Variants in CSMD2 observed in about 807,000 individuals in gnomAD.
CSMD2 encodes CUB and sushi domain-containing protein 2.
Under a neutral mutation model 398.5 loss-of-function variants are expected in CSMD2, and 130 were observed. The observed-to-expected ratio is 0.33, with a 90% confidence interval of 0.28 to 0.38. The LOEUF (loss-of-function observed/expected upper bound fraction) is 0.38. Ranked by LOEUF, CSMD2 falls within the 10% of genes least tolerant of loss-of-function variation. The pLI, the probability that CSMD2 is intolerant of heterozygous loss-of-function variation, is 1.00. For missense variants in CSMD2, 3,829 were observed against 4,764.9 expected (o/e 0.80, Z 5.78); for synonymous variants, 1,828 against 1,908.5 (o/e 0.96, Z 1.10).
chr1:33,651,130 C>T (rs146014391), intron 28 of CSMD2, among the ~76,000 whole-genome samples: 7 of 152,128 alleles, frequency 4.6e-5, no homozygotes, highest in African/African-American at 7.2e-5. Flanking sequence ...AGGGAGAGAT[C>T]GGCATGGGAG....
At chr1:34,074,159 C>T (rs966146464) in intron 2 of CSMD2, among the ~76,000 whole-genome samples, 1 of 152,196 alleles carries the variant, frequency 6.6e-6, no homozygotes, top group African/African-American at 2.4e-5. Flanking sequence ...CAATCCAACA[C>T]GAGATTTGGG....
intron 1 of CSMD2, among the ~76,000 whole-genome samples, chr1:34,120,414 T>C (rs1466225221): frequency 6.6e-6 from 1 of 152,198 alleles, no homozygotes; most frequent in African/African-American, 2.4e-5. Flanking sequence ...TGCTGTATAG[T>C]TAGTGGTTAA....
rs1653648597 is a variant in CSMD2, at chr1:33,515,048, T to G, written c.*1576A>C. The G allele has an allele frequency of 6.6e-6, 1 of 152,214 alleles. No homozygotes were observed. Among genetic ancestry groups the G allele is most frequent in the Non-Finnish European group, 1.5e-5 (1 of 68,052 alleles). 9.4% of individuals were successfully genotyped at this position (152,214 alleles called of 1,614,324 possible). Reference sequence around the variant, plus strand: ...CAGGGGCTTAAGCTTGTGGGGGCCTTCCCGAGGACAGAGAAAGTGGCCCTA... The same window carrying G: ...CAGGGGCTTAAGCTTGTGGGGGCCTGCCCGAGGACAGAGAAAGTGGCCCTA... On this transcript the variant is annotated 3_prime_UTR_variant, in exon 71 of 71. Transcript: ENST00000373381.
intron 1 of CSMD2, among the ~76,000 whole-genome samples, chr1:34,114,823 G>A (rs1375412803): frequency 1.3e-5 from 2 of 152,154 alleles, no homozygotes; most frequent in Admixed American, 6.5e-5. Flanking sequence ...TGTGCTACAA[G>A]AGGACACAAA....
chr1:34,134,052 C>CAAAAA (rs59062675), intron 1 of CSMD2, among the ~76,000 whole-genome samples: 1 of 85,232 alleles, frequency 1.2e-5, no homozygotes, highest in African/African-American at 5.0e-5. Context: ...GACTCTGTCT[C>CAAAAA]AAAAAAAAAA....
chr1:33,873,300 G>T (rs1412386417), intron 5 of CSMD2, among the ~76,000 whole-genome samples: 1 of 152,172 alleles, frequency 6.6e-6, no homozygotes, highest in Non-Finnish European at 1.5e-5. Flanking sequence ...AGAATCATTG[G>T]AGAGCCAGAG....
intron 19 of CSMD2, among the ~76,000 whole-genome samples, chr1:33,719,844 T>C (rs180900279): frequency 2.0e-5 from 3 of 152,252 alleles, no homozygotes; most frequent in East Asian, 1.9e-4. Flanking sequence ...GCACACAGCA[T>C]AGTGGCTGGC....
At chr1:33,604,226 T>C (rs1640427894) in intron 42 of CSMD2, among the ~76,000 whole-genome samples, 1 of 152,218 alleles carries the variant, frequency 6.6e-6, no homozygotes, top group Non-Finnish European at 1.5e-5. Flanking sequence ...AGGATGAGGC[T>C]TGTTGCACAG....
chr1:34,076,332 T>G (rs1656326706), intron 2 of CSMD2, among the ~76,000 whole-genome samples: 2 of 152,260 alleles, frequency 1.3e-5, no homozygotes, highest in Admixed American at 1.3e-4. Context: ...AGGTATGTCT[T>G]ATGCTAAAGG....
intron 13 of CSMD2, among the ~76,000 whole-genome samples, chr1:33,758,065 G>A (rs1309139965): frequency 2.6e-5 from 4 of 152,148 alleles, no homozygotes; most frequent in Non-Finnish European, 5.9e-5. Context: ...TAGACTCCTC[G>A]TAGGGGCACA....
intron 13 of CSMD2, among the ~76,000 whole-genome samples, chr1:33,759,081 A>G (rs1369888524): frequency 1.3e-5 from 2 of 152,310 alleles, no homozygotes; most frequent in African/African-American, 4.8e-5. Context: ...AAGGGTATGA[A>G]GGAAATAAAA....
intron 49 of CSMD2, among the ~76,000 whole-genome samples, chr1:33,575,107 G>A (rs1659947746): frequency 6.6e-6 from 1 of 152,332 alleles, no homozygotes; most frequent in South Asian, 2.1e-4. Flanking sequence ...AAACCCGGTG[G>A]TAAGAGGGAC....
intron 3 of CSMD2, among the ~76,000 whole-genome samples, chr1:33,942,541 C>T (rs1010782139): frequency 6.6e-6 from 1 of 152,222 alleles, no homozygotes; most frequent in Non-Finnish European, 1.5e-5. Flanking sequence ...AGAAGCCCTC[C>T]GCCATAAGCC....
chr1:33,825,190 A>G (rs991328266), intron 7 of CSMD2, among the ~76,000 whole-genome samples: 1 of 150,614 alleles, frequency 6.6e-6, no homozygotes, highest in Non-Finnish European at 1.5e-5. Flanking sequence ...GGCAGGACCC[A>G]CCCCCACACT....
At chr1:33,722,405 T>C (rs1346709815) in intron 19 of CSMD2, among the ~76,000 whole-genome samples, 1 of 152,238 alleles carries the variant, frequency 6.6e-6, no homozygotes, top group Non-Finnish European at 1.5e-5. Context: ...TCGCACAATG[T>C]CAGCAGTCAA....
chr1:34,033,535 C>T (rs1650721761), intron 2 of CSMD2, among the ~76,000 whole-genome samples: 1 of 152,220 alleles, frequency 6.6e-6, no homozygotes, highest in Non-Finnish European at 1.5e-5. Flanking sequence ...TTGTCCACTG[C>T]TGGGCATCCA....
intron 12 of CSMD2, among the ~76,000 whole-genome samples, chr1:33,775,980 G>C (rs1300329468): frequency 6.6e-6 from 1 of 152,168 alleles, no homozygotes; most frequent in Non-Finnish European, 1.5e-5. Context: ...AAACAGGTTA[G>C]CAAAAAGAGG....
In CSMD2 at chr1:33,725,468, A is replaced by G; in HGVS notation, c.2576T>C (p.Ile859Thr). 1 of 1,614,214 alleles carries G rather than the reference A, an allele frequency of 6.2e-7. No homozygotes were observed. The highest frequency in any genetic ancestry group is 8.5e-7 in the Non-Finnish European group (1 of 1,180,024). Residue 859 changes from isoleucine to threonine, a missense_variant, in exon 17 of 71, where the codon ATC becomes ACC. Coordinates refer to ENST00000373381, the MANE Select transcript of CSMD2 (RefSeq NM_001281956.2). Reference protein sequence around the residue: ...RDGRTYSAPLIGVYHGTQVPQ... With the variant: ...RDGRTYSAPLTGVYHGTQVPQ... ...AACCTGGGTCCCGTGGTAAACCCCG[A>G]TCAAGGGCGCTGAGTAAGTCCGCCC...
At chr1:33,810,539 G>A (rs1656743213) in intron 10 of CSMD2, among the ~76,000 whole-genome samples, 1 of 151,806 alleles carries the variant, frequency 6.6e-6, no homozygotes, top group African/African-American at 2.4e-5. Context: ...CTGCACAGGT[G>A]TTTGTTGTAT....
Sources: allele counts gnomAD v4.1 joint callset (sites outside exome capture counted in the v4.1 genomes callset), GRCh38; gene constraint gnomAD v4.1.1; transcripts MANE v1.5; gene names NCBI Gene and HGNC (gene_info 2026-07-23, HGNC 2026-07-21).